The following CHLSN variants were observed in gnomAD, a reference collection of about 807,000 sequenced individuals.
The protein encoded by CHLSN is cholesin.
the CHLSN span, among the ~76,000 whole-genome samples, chr7:1,067,522 G>T: frequency 2.4e-4 from 20 of 84,820 alleles, no homozygotes; most frequent in African/African-American, 1.1e-3. Context: ...ACCCAGAGGT[G>T]AGGGTTTGGG....
chr7:979,301 C>T, the CHLSN span, among the ~76,000 whole-genome samples: 1 of 152,160 alleles, frequency 6.6e-6, no homozygotes, highest in Non-Finnish European at 1.5e-5. Flanking sequence ...GGAGGCTCTG[C>T]ACCTGCTCAG....
the CHLSN span, among the ~76,000 whole-genome samples, chr7:1,075,007 C>T: frequency 1.3e-5 from 2 of 152,220 alleles, no homozygotes; most frequent in Non-Finnish European, 2.9e-5. Flanking sequence ...CTCCTTGTGA[C>T]TGCAGATGTG....
chr7:1,070,856 ATG>A, the CHLSN span, among the ~76,000 whole-genome samples: 17 of 147,236 alleles, frequency 1.2e-4, no homozygotes, highest in Non-Finnish European at 2.5e-4. Context: ...GCACACGGAC[ATG>A]CACACGGGTG....
chr7:999,080 C>CGT, the CHLSN span, among the ~76,000 whole-genome samples: 1,296 of 151,262 alleles, frequency 8.6e-3, 14 homozygotes, highest in African/African-American at 0.029. Flanking sequence ...GATAACTTTG[C>CGT]GTGTGTGTGT....
the CHLSN span, among the ~76,000 whole-genome samples, chr7:981,261 A>C: frequency 6.7e-6 from 1 of 149,298 alleles, no homozygotes; most frequent in African/African-American, 2.5e-5. Context: ...ATGCCACTGC[A>C]CTCTAGCCTG....
chr7:994,209 G>A, the CHLSN span, among the ~76,000 whole-genome samples: 5 of 152,124 alleles, frequency 3.3e-5, no homozygotes, highest in African/African-American at 9.7e-5. Flanking sequence ...CCAGGCTGGA[G>A]TGCAATGGCA....
At chr7:1,099,060 T>C in the CHLSN span, among the ~76,000 whole-genome samples, 6 of 152,168 alleles carry the variant, frequency 3.9e-5, no homozygotes, top group Non-Finnish European at 8.8e-5. Flanking sequence ...CTGGCCTTCC[T>C]TTTCAGAGCC....
the CHLSN span, among the ~76,000 whole-genome samples, chr7:1,023,925 C>T: frequency 1.3e-5 from 2 of 152,176 alleles, no homozygotes; most frequent in East Asian, 1.9e-4. The surrounding 1 kb of genome is among the most constrained non-coding windows in gnomAD (Gnocchi z 5.0). Flanking sequence ...ACTGCAGCCT[C>T]GACCTCCTGG....
the CHLSN span, among the ~76,000 whole-genome samples, chr7:1,008,128 G>C: frequency 6.6e-6 from 1 of 152,220 alleles, no homozygotes; most frequent in African/African-American, 2.4e-5. Context: ...AGACAGGCAA[G>C]GTGCAGGTGG....
chr7:1,129,183 G>A, the CHLSN span, among the ~76,000 whole-genome samples: 13 of 15,918 alleles, frequency 8.2e-4, no homozygotes, highest in African/African-American at 7.8e-3. Context: ...GTGCAGTGGC[G>A]CGATCTCGGC....
chr7:1,016,665 A>ATG, the CHLSN span, among the ~76,000 whole-genome samples: 238 of 117,848 alleles, frequency 2.0e-3, 12 homozygotes, highest in African/African-American at 7.3e-3. Context: ...ACAGCAGCGC[A>ATG]CAGCAGCACA....
chr7:1,070,648 T>C, the CHLSN span, among the ~76,000 whole-genome samples: 2 of 124,266 alleles, frequency 1.6e-5, no homozygotes, highest in African/African-American at 3.1e-5. Context: ...CGGACACACA[T>C]GCACACACAT....
chr7:1,067,948 T>G, the CHLSN span, among the ~76,000 whole-genome samples: 5 of 152,030 alleles, frequency 3.3e-5, no homozygotes, highest in East Asian at 9.7e-4. Context: ...CAGGCTGGAG[T>G]GCACACCAGG....
the CHLSN span, among the ~76,000 whole-genome samples, chr7:1,004,117 G>A: frequency 4.6e-5 from 7 of 152,042 alleles, no homozygotes; most frequent in African/African-American, 1.7e-4. Flanking sequence ...CGTGATGAGA[G>A]GGGCCTCCAG....
chr7:1,131,523 C>T, the CHLSN span, among the ~76,000 whole-genome samples: 2 of 152,176 alleles, frequency 1.3e-5, no homozygotes, highest in African/African-American at 4.8e-5. Flanking sequence ...TCAGAAAACC[C>T]CAAGCCCCTT....
the CHLSN span, among the ~76,000 whole-genome samples, chr7:994,826 C>T: frequency 6.6e-6 from 1 of 152,258 alleles, no homozygotes; most frequent in Non-Finnish European, 1.5e-5. Flanking sequence ...GAGCTCAGCC[C>T]AGATGTGCTT....
At chr7:1,071,629 G>A in the CHLSN span, among the ~76,000 whole-genome samples, 1 of 152,220 alleles carries the variant, frequency 6.6e-6, no homozygotes, top group Non-Finnish European at 1.5e-5. Flanking sequence ...CAGACCCTGG[G>A]CAGGAACAGG....
chr7:1,110,500 G>A, the CHLSN span, among the ~76,000 whole-genome samples: 5 of 152,214 alleles, frequency 3.3e-5, no homozygotes, highest in African/African-American at 9.6e-5. Context: ...CAGCCTGAGC[G>A]CTCTTCCCGC....
chr7:990,920 G>C, the CHLSN span, among the ~76,000 whole-genome samples: 3 of 152,112 alleles, frequency 2.0e-5, no homozygotes, highest in Non-Finnish European at 4.4e-5. Context: ...GCTGTTGTCA[G>C]GGCTCCCGGG....
Sources: allele counts gnomAD v4.1 joint callset (sites outside exome capture counted in the v4.1 genomes callset), GRCh38; gene constraint gnomAD v4.1.1; non-coding constraint Gnocchi (gnomAD v3.1); transcripts MANE v1.5; gene names NCBI Gene and HGNC (gene_info 2026-07-23, HGNC 2026-07-21).